The following CNST variants were observed in gnomAD, a reference collection of about 807,000 sequenced individuals.
The protein encoded by CNST is consortin, connexin sorting protein.
CNST carries 39 observed loss-of-function variants against 72.4 expected under a neutral mutation model. That is an observed-to-expected ratio of 0.54 (90% CI 0.42 to 0.70). The LOEUF is 0.70. Among genes scored for constraint, CNST ranks in the 30% least tolerant of loss-of-function variants. CNST has a pLI of 0.00. For synonymous variants in CNST, 332 were observed against 320.1 expected (o/e 1.04, Z -0.40); for missense variants, 871 against 868.5 (o/e 1.00, Z -0.04).
In CNST at chr1:246,591,900, G is replaced by A. The variant is rs567370905; in HGVS notation, c.338G>A (p.Ser113Asn). The change falls in exon 2 of 11, where the codon AGT becomes AAT. Residue 113 changes from serine to asparagine, a missense_variant. Coordinates refer to ENST00000366513, the MANE Select transcript of CNST (RefSeq NM_152609.3). The part of the protein sequence containing the change: ...GKDKKIPGKR[S>N]PRSKKGTAKK... The stretch of plus-strand genomic sequence containing the variant: ...GACAAAAAAATTCCTGGAAAAAGAA[G>A]TCCAAGAAGCAAAAAAGGGACTGCT... The A allele has an allele frequency of 5.9e-4, 945 of 1,613,844 alleles. 14 individuals carry two copies. In the South Asian group the frequency reaches 9.1e-3, roughly 16 times the overall value.
intron 9 of CNST, among the ~76,000 whole-genome samples, chr1:246,656,110 C>CTG (rs1223072309): frequency 6.6e-6 from 1 of 152,190 alleles, no homozygotes; most frequent in Non-Finnish European, 1.5e-5. Context: ...TGGAAGCCAA[C>CTG]TGTGTGTTCT....
At chr1:246,639,421 T>G (rs1211095235) in intron 6 of CNST, among the ~76,000 whole-genome samples, 2 of 152,096 alleles carry the variant, frequency 1.3e-5, no homozygotes, top group Non-Finnish European at 2.9e-5. Context: ...TTGCTTAGTT[T>G]GCGGAGGTGG....
At chr1:246,601,664 C>T (rs879640493) in intron 2 of CNST, among the ~76,000 whole-genome samples, 1 of 151,962 alleles carries the variant, frequency 6.6e-6, no homozygotes, top group Non-Finnish European at 1.5e-5. Context: ...CGTGGTGGCA[C>T]ATGCCTGTAA....
intron 2 of CNST, among the ~76,000 whole-genome samples, chr1:246,616,640 C>T (rs1026157747): frequency 5.9e-5 from 9 of 152,176 alleles, no homozygotes; most frequent in Admixed American, 2.0e-4. Flanking sequence ...CTGCAACCTT[C>T]GCCTCCCGGG....
In CNST at chr1:246,647,813, G is replaced by T; in HGVS notation, c.1612G>T (p.Asp538Tyr). 6.2e-7 allele frequency: 1 copy of T among 1,614,034 alleles called. No homozygotes were observed. Among genetic ancestry groups the T allele is most frequent in the South Asian group, 1.1e-5 (1 of 91,036 alleles). The change falls in exon 9 of 11, where the codon GAC becomes TAC. Residue 538 changes from aspartate (D) to tyrosine (Y), a missense_variant. Physicochemically the swap from Asp to Tyr is radical, Grantham distance 160 (BLOSUM62 -3). Transcript: ENST00000366513. ...CCCAGAGGAAAAGGGAGATAAAGAC[G>T]ACCAACTCAACAAAGAAACAGAAGA... ...MAPEEKGDKD[D>Y]QLNKETEDYL...
intron 1 of CNST, among the ~76,000 whole-genome samples, chr1:246,579,357 C>T (rs895624379): frequency 6.6e-6 from 1 of 152,204 alleles, no homozygotes; most frequent in Non-Finnish European, 1.5e-5. Flanking sequence ...GTGCTTTTCA[C>T]TACCTTATTA....
chr1:246,599,326 G>T (rs1166504691), intron 2 of CNST, among the ~76,000 whole-genome samples: 1 of 152,164 alleles, frequency 6.6e-6, no homozygotes, highest in African/African-American at 2.4e-5. Context: ...AATCTGACAT[G>T]GTTCCTACTG....
At chr1:246,619,839 C>T (rs147606539) in intron 2 of CNST, among the ~76,000 whole-genome samples, 213 of 150,560 alleles carry the variant, frequency 1.4e-3, no homozygotes, top group African/African-American at 4.6e-3. Context: ...ACAGGGAGGA[C>T]GGCTTCAGTC....
At chr1:246,639,171 G>A (rs1490303553) in intron 6 of CNST, among the ~76,000 whole-genome samples, 1 of 152,008 alleles carries the variant, frequency 6.6e-6, no homozygotes, top group Non-Finnish European at 1.5e-5. Context: ...AACATGTAGT[G>A]CAACTCCACG....
intron 2 of CNST, among the ~76,000 whole-genome samples, chr1:246,619,155 A>AG (rs10659292): frequency 3.8e-5 from 2 of 53,050 alleles, no homozygotes; most frequent in Non-Finnish European, 7.1e-5. Context: ...GAGAAAAGGG[A>AG]AAAAAAAAAA....
chr1:246,619,743 C>T (rs1663931411), intron 2 of CNST, among the ~76,000 whole-genome samples: 1 of 152,236 alleles, frequency 6.6e-6, no homozygotes, highest in African/African-American at 2.4e-5. Flanking sequence ...AAGAATGGAC[C>T]AGTCTGGCCA....
intron 3 of CNST, among the ~76,000 whole-genome samples, chr1:246,629,292 T>C (rs1664628558): frequency 6.6e-6 from 1 of 152,200 alleles, no homozygotes; most frequent in Admixed American, 6.5e-5. Context: ...AGAAATATGC[T>C]TTAAAAAAAA....
chr1:246,571,114 A>C (rs1660042016), intron 1 of CNST, among the ~76,000 whole-genome samples: 2 of 152,332 alleles, frequency 1.3e-5, no homozygotes, highest in Non-Finnish European at 1.5e-5. Flanking sequence ...CATTAGCAGA[A>C]TTCTGAAGTC....
At chr1:246,619,803 A>G (rs1663933644) in intron 2 of CNST, among the ~76,000 whole-genome samples, 1 of 152,272 alleles carries the variant, frequency 6.6e-6, no homozygotes, top group Non-Finnish European at 1.5e-5. Flanking sequence ...ACAGGGCAGT[A>G]GAAGGCAGGG....
At chr1:246,640,687 A>C (rs1665627494) in intron 6 of CNST, among the ~76,000 whole-genome samples, 1 of 152,210 alleles carries the variant, frequency 6.6e-6, no homozygotes, top group African/African-American at 2.4e-5. Context: ...GTTAATAGTG[A>C]GACAGTGCCA....
At chr1:246,652,864 C>T (rs368311381) in intron 9 of CNST, among the ~76,000 whole-genome samples, 16 of 150,604 alleles carry the variant, frequency 1.1e-4, no homozygotes, top group African/African-American at 3.2e-4. Context: ...ACTAGCCGGG[C>T]GTGGTGGCGG....
At chr1:246,635,028 G>A (rs988339135) in intron 6 of CNST, among the ~76,000 whole-genome samples, 5 of 152,162 alleles carry the variant, frequency 3.3e-5, no homozygotes, top group Non-Finnish European at 7.3e-5. Flanking sequence ...GACGCGCGCT[G>A]CTGGTGCAAG....
intron 2 of CNST, among the ~76,000 whole-genome samples, chr1:246,602,968 A>G (rs545089402): frequency 6.6e-6 from 1 of 152,300 alleles, no homozygotes; most frequent in African/African-American, 2.4e-5. Context: ...TGAAAAAGAA[A>G]AGAATTACAA....
intron 3 of CNST, among the ~76,000 whole-genome samples, chr1:246,623,075 G>C (rs1018039155): frequency 2.0e-5 from 3 of 152,094 alleles, no homozygotes; most frequent in Non-Finnish European, 4.4e-5. Flanking sequence ...CACCCGCCTC[G>C]GCCTTCCAAA....
Sources: gnomAD v4.1 joint callset for allele counts (sites outside exome capture counted in the v4.1 genomes callset) on GRCh38, gnomAD v4.1.1 for gene constraint, MANE v1.5 for transcripts, NCBI Gene and HGNC (gene_info 2026-07-23, HGNC 2026-07-21) for gene names.